Variants in KDM2A observed in about 807,000 individuals in gnomAD.
KDM2A encodes the protein lysine demethylase 2A.
In KDM2A, 3 loss-of-function variants were observed where a neutral mutation model predicts 137.3. That is an observed-to-expected ratio of 0.02 (90% CI 0.01 to 0.06). KDM2A has a LOEUF of 0.06. Ranked by LOEUF, KDM2A falls within the 10% of genes least tolerant of loss-of-function variation. The pLI, the probability that KDM2A is intolerant of heterozygous loss-of-function variation, is 1.00. For missense variants in KDM2A, 738 were observed against 1,510.6 expected, an observed-to-expected ratio of 0.49 and a Z score of 8.48; for synonymous variants, 512 against 541.5, an observed-to-expected ratio of 0.95 and a Z score of 0.76.
chr11:67,243,221 A>G (rs1859102980), intron 13 of KDM2A, 129 bp downstream of exon 13: 1 of 646,684 alleles, frequency 1.5e-6, no homozygotes, highest in Non-Finnish European at 2.8e-6. Flanking sequence ...CTGACAGAAA[A>G]TCATTATTCA....
rs568033059 is a variant in KDM2A at position 67,186,888 on chromosome 11, C to T, written c.307+4996C>T. Among the ~76,000 whole-genome samples, 5 of 152,220 alleles carry T rather than the reference C, an allele frequency of 3.3e-5. No individual in the cohort carries two copies. In the East Asian group the frequency reaches 9.6e-4, roughly 29 times the overall value. On this transcript the variant is annotated intron_variant, in intron 5 of 20. Coordinates refer to ENST00000529006, the MANE Select transcript of KDM2A (RefSeq NM_012308.3). ...TTCAAGACCAGCCTGGGCAACATAG[C>T]AAAGACCCATTTCTTCCACCCCATG...
At chr11:67,253,209 TAGAA>T (rs796336766) in intron 18 of KDM2A, among the ~76,000 whole-genome samples, 36 of 152,308 alleles carry the variant, frequency 2.4e-4, no homozygotes, top group African/African-American at 7.5e-4. Flanking sequence ...TTTGAGCTCT[TAGAA>T]AGACAGGAAG....
At chr11:67,132,991 T>G (rs539924308) in intron 2 of KDM2A, among the ~76,000 whole-genome samples, 1 of 152,326 alleles carries the variant, frequency 6.6e-6, no homozygotes, top group African/African-American at 2.4e-5. Flanking sequence ...GACTAAACTT[T>G]GTAACTGATG....
At chr11:67,226,451 A>G (rs1858547053) in intron 10 of KDM2A, among the ~76,000 whole-genome samples, 1 of 152,150 alleles carries the variant, frequency 6.6e-6, no homozygotes, top group Admixed American at 6.6e-5. Context: ...AGCCAGGCGC[A>G]GTGGCTCACG....
intron 2 of KDM2A, among the ~76,000 whole-genome samples, chr11:67,153,235 T>A (rs1187537290): frequency 6.6e-6 from 1 of 152,116 alleles, no homozygotes; most frequent in Non-Finnish European, 1.5e-5. Context: ...TCGACCCGCC[T>A]CGGCCTCCCA....
chr11:67,185,602 G>A (rs1387153422), intron 5 of KDM2A, among the ~76,000 whole-genome samples: 1 of 150,626 alleles, frequency 6.6e-6, no homozygotes, highest in Non-Finnish European at 1.5e-5. Flanking sequence ...TGACTCCCTT[G>A]CACTCTAGCC....
chr11:67,129,733 CAA>C (rs200961023), intron 2 of KDM2A, among the ~76,000 whole-genome samples: 12 of 56,522 alleles, frequency 2.1e-4, no homozygotes, highest in Non-Finnish European at 2.3e-4. Flanking sequence ...GACTCCATCT[CAA>C]AAAAAAAAAA....
intron 2 of KDM2A, among the ~76,000 whole-genome samples, chr11:67,131,348 C>A (rs768596243): frequency 3.3e-5 from 5 of 151,558 alleles, no homozygotes; most frequent in Non-Finnish European, 7.4e-5. Flanking sequence ...TAATAACACT[C>A]TTACTCCACG....
intron 5 of KDM2A, among the ~76,000 whole-genome samples, chr11:67,202,682 A>T (rs7124968): frequency 6.6e-6 from 1 of 151,662 alleles, no homozygotes; most frequent in Non-Finnish European, 1.5e-5. Flanking sequence ...AGGCTGAGGC[A>T]GGAGAATGGC....
chr11:67,237,428 T>TAATAAAAAAAA (rs1858902665), intron 12 of KDM2A, among the ~76,000 whole-genome samples: 3 of 151,364 alleles, frequency 2.0e-5, no homozygotes, highest in African/African-American at 7.3e-5. Flanking sequence ...TTTTAAATGT[T>TAATAAAAAAAA]TTTAAATTTT....
intron 15 of KDM2A, among the ~76,000 whole-genome samples, chr11:67,247,284 G>A (rs1859279040): frequency 6.7e-6 from 1 of 148,752 alleles, no homozygotes; most frequent in Non-Finnish European, 1.5e-5. Context: ...GAGATGGGGT[G>A]TCACCGTGTT....
At chr11:67,146,676 T>G (rs1856255252) in intron 2 of KDM2A, among the ~76,000 whole-genome samples, 1 of 152,084 alleles carries the variant, frequency 6.6e-6, no homozygotes, top group Non-Finnish European at 1.5e-5. Context: ...ACCTGGCTAA[T>G]TTTTTGTAAT....
chr11:67,125,219 C>T (rs1199441770), intron 2 of KDM2A, among the ~76,000 whole-genome samples: 1 of 147,588 alleles, frequency 6.8e-6, no homozygotes, highest in Non-Finnish European at 1.5e-5. Flanking sequence ...GGGTCTTTGT[C>T]GCCCAGTCTA....
intron 11 of KDM2A, among the ~76,000 whole-genome samples, 177 bp from the exon 12 acceptor site, chr11:67,231,389 C>A (rs897374580): frequency 6.6e-6 from 1 of 152,100 alleles, no homozygotes; most frequent in Non-Finnish European, 1.5e-5. Context: ...CTGTTTCTAC[C>A]TGTTAACTGT....
At chr11:67,125,455 TG>T (rs572982834) in intron 2 of KDM2A, among the ~76,000 whole-genome samples, 109 of 151,786 alleles carry the variant, frequency 7.2e-4, no homozygotes, top group African/African-American at 2.4e-3. Context: ...AGTCATTTTT[TG>T]GGGGGAAAAA....
chr11:67,199,309 TC>T (rs1462902663), intron 5 of KDM2A, among the ~76,000 whole-genome samples: 5 of 151,970 alleles, frequency 3.3e-5, no homozygotes, highest in Non-Finnish European at 7.4e-5. Context: ...AAAGGAAGAG[TC>T]CCACCTCTCT....
intron 5 of KDM2A, among the ~76,000 whole-genome samples, chr11:67,200,732 C>T (rs1857599662): frequency 6.6e-6 from 1 of 151,754 alleles, no homozygotes; most frequent in Admixed American, 6.6e-5. Context: ...GTTTAGAACT[C>T]CTGGGCTCAA....
At chr11:67,238,714 T>TA (rs1324189894) in intron 12 of KDM2A, among the ~76,000 whole-genome samples, 29 of 152,260 alleles carry the variant, frequency 1.9e-4, no homozygotes, top group African/African-American at 6.3e-4. Context: ...TGGAAATAAA[T>TA]AAGAATGCTT....
At chr11:67,196,501 T>A (rs1857486369) in intron 5 of KDM2A, 1 of 455,886 alleles carries the variant, frequency 2.2e-6, no homozygotes, top group South Asian at 1.5e-5. Flanking sequence ...GTGAATACTT[T>A]AGCATAATGT....
Sources: gnomAD v4.1 joint callset for allele counts (sites outside exome capture counted in the v4.1 genomes callset) on GRCh38, gnomAD v4.1.1 for gene constraint, MANE v1.5 for transcripts, NCBI Gene and HGNC (gene_info 2026-07-23, HGNC 2026-07-21) for gene names.